Variants in RDH14 observed in about 807,000 individuals in gnomAD.
The protein encoded by RDH14 is alcohol dehydrogenase PAN2.
A neutral mutation model predicts 19.3 loss-of-function variants in RDH14; 17 were observed. The observed-to-expected ratio is 0.88, with a 90% confidence interval of 0.60 to 1.32. The LOEUF is 1.32. Among genes scored for constraint, RDH14 ranks in the 40% most tolerant of loss-of-function variants. The pLI, the probability that RDH14 is intolerant of heterozygous loss-of-function variation, is 0.00. For synonymous variants in RDH14, 215 were observed against 188.9 expected (o/e 1.14, Z -1.13); for missense variants, 534 against 449.2 (o/e 1.19, Z -1.71).
In RDH14 at chr2:18,555,821, A is replaced by AAAAG; in HGVS notation, c.394-17_394-14dup. On this transcript the variant is annotated splice_polypyrimidine_tract_variant and intron_variant, in intron 1 of 1. Coordinates refer to ENST00000381249, the MANE Select transcript of RDH14 (RefSeq NM_020905.4). ...GCCTAGGCTCTTCCTTTAAATGTCA[A>AAAAG]AAAGAGAATGGCAGAATTATTAAGA... The AAAAG allele has an allele frequency of 6.3e-7, 1 of 1,582,168 alleles. No individual in the cohort carries two copies. The highest frequency in any genetic ancestry group is 8.6e-7 in the Non-Finnish European group (1 of 1,161,896).
Position 18,560,367 on chromosome 2 carries a change from C to A in RDH14, c.206G>T (p.Arg69Leu). 2.1e-6 allele frequency: 3 copies of A among 1,459,824 alleles called. No homozygotes were observed. The highest frequency in any genetic ancestry group is 2.9e-5 in the East Asian group (1 of 33,910). 90.4% of individuals were successfully genotyped at this position (1,459,824 alleles called of 1,614,324 possible). The change falls in exon 1 of 2, where the codon CGG (arginine) becomes CTG (leucine). Residue 69 changes from arginine to leucine, a missense_variant. Arg to Leu is a moderately radical substitution (Grantham distance 102). Coordinates refer to ENST00000381249, the MANE Select transcript of RDH14 (RefSeq NM_020905.4). ...TAAELLRLGA[R>L]VIMGCRDRAR... ...GCGGTCCCGGCAGCCCATGATCACC[C>A]GCGCTCCCAGGCGCAGTAGCTCGGC...
At chr2:18,557,595 TAAATG>T (rs1432463723) in intron 1 of RDH14, among the ~76,000 whole-genome samples, 1 of 152,232 alleles carries the variant, frequency 6.6e-6, no homozygotes, top group Non-Finnish European at 1.5e-5. Flanking sequence ...TTCTACGAGA[TAAATG>T]AAATAAATAC....
In RDH14 at chr2:18,560,551, C is replaced by A. The variant is rs571090861; in HGVS notation, c.22G>T (p.Ala8Ser). 5 of 1,497,566 alleles carry A rather than the reference C, an allele frequency of 3.3e-6. No homozygotes were observed. The African/African-American group carries it at 4.4e-5, about 13-fold the overall frequency. 92.8% of individuals were successfully genotyped at this position (1,497,566 alleles called of 1,614,324 possible). The change falls in exon 1 of 2, where the codon GCA becomes TCA. Residue 8 changes from alanine (A) to serine (S), a missense_variant. Coordinates refer to ENST00000381249, the MANE Select transcript of RDH14 (RefSeq NM_020905.4). ...GCCCCGCCCAGAGCGGCCAGTACTG[C>A]CGCCGCAGTGGCCACTGCCATCGTC... MAVATAA[A>S]VLAALGGALW...
intron 1 of RDH14, among the ~76,000 whole-genome samples, chr2:18,557,185 T>C (rs1663945686): frequency 6.8e-6 from 1 of 146,540 alleles, no homozygotes; most frequent in Non-Finnish European, 1.5e-5. Context: ...TCTCTAGCCT[T>C]TTCTCGGTTG....
At position 18,560,469 on chromosome 2, in the gene RDH14, C is replaced by T. The variant is rs925395244; in HGVS notation, c.104G>A (p.Gly35Asp). The change falls in exon 1 of 2, where the codon GGC (glycine) becomes GAC (aspartate). Residue 35 changes from glycine (G) to aspartate (D), a missense_variant. Physicochemically the swap from Gly to Asp is moderately conservative, Grantham distance 94. Coordinates refer to ENST00000381249, the MANE Select transcript of RDH14 (RefSeq NM_020905.4). ...VGPRVQRLRR[G>D]GDPGLMHGKT... ...CCCGTGCATGAGGCCGGGGTCCCCG[C>T]CTCTGCGCAGCCGCTGGACCCTGGG... 7 of 1,514,260 alleles carry T rather than the reference C, an allele frequency of 4.6e-6. No individual in the cohort carries two copies. The highest frequency in any genetic ancestry group is 2.0e-5 in the Admixed American group (1 of 48,894). The allele number at this position is 1,514,260 out of a possible 1,614,324, so 93.8% of individuals were successfully genotyped here. A position where few individuals can be genotyped will look rare whatever the true frequency, so the allele number is the denominator to read the frequency against.
At chr2:18,556,540 T>C (rs1663926585) in intron 1 of RDH14, among the ~76,000 whole-genome samples, 1 of 152,228 alleles carries the variant, frequency 6.6e-6, no homozygotes, top group South Asian at 2.1e-4. Flanking sequence ...TTTTCGCATG[T>C]CACCACATCT....
intron 1 of RDH14, among the ~76,000 whole-genome samples, chr2:18,559,202 T>C (rs1203186600): frequency 6.6e-6 from 1 of 152,314 alleles, no homozygotes; most frequent in East Asian, 1.9e-4. Context: ...TCTGAACAAA[T>C]GCCCTCTGAA....
chr2:18,557,126 T>G (rs1253642338), intron 1 of RDH14, among the ~76,000 whole-genome samples: 1 of 152,362 alleles, frequency 6.6e-6, no homozygotes, highest in Middle Eastern at 3.4e-3. Context: ...AAATTTAGAC[T>G]GTTCTCATAG....
chr2:18,555,717 C>G lies in RDH14; in HGVS notation c.485G>C (p.Gly162Ala). The change falls in exon 2 of 2, where the codon GGA (glycine) becomes GCA (alanine). Residue 162 changes from glycine to alanine, a missense_variant. Physicochemically the swap from Gly to Ala is moderately conservative, Grantham distance 60. Transcript: ENST00000381249. ...TAGAAAGTGCCCCAGATGGTTCACT[C>G]CGAACTGCATCTCAAACCCATCTTC... ...KTEDGFEMQF[G>A]VNHLGHFLLT... 6.2e-7 allele frequency: 1 copy of G among 1,614,066 alleles called. No individual in the cohort carries two copies. The highest frequency in any genetic ancestry group is 1.1e-5 in the South Asian group (1 of 91,082).
rs183426822 is a variant in RDH14, at chr2:18,560,273, C to T, written c.300G>A (p.Glu100=). 3.1e-4 allele frequency: 465 copies of T among 1,507,828 alleles called. 5 individuals are homozygous for T. The South Asian group carries it at 5.4e-3, about 17-fold the overall frequency. 93.4% of individuals were successfully genotyped at this position (1,507,828 alleles called of 1,614,324 possible). A position where few individuals can be genotyped will look rare whatever the true frequency, so the allele number is the denominator to read the frequency against. Residue 100 remains glutamate, a synonymous_variant, in exon 1 of 2, where the codon GAG becomes GAA. Transcript: ENST00000381249. Reference sequence around the variant, plus strand: ...GCTCGCCCACCCCGCTGACGCCAGGCTCTGGGCCGCACTCCGCGGCCTGGC... The same window carrying T: ...GCTCGCCCACCCCGCTGACGCCAGGTTCTGGGCCGCACTCCGCGGCCTGGC... The part of the protein sequence containing the change: ...ELRQAAECGP[E]PGVSGVGELI...
chr2:18,555,431 G>T lies in RDH14; in HGVS notation c.771C>A (p.His257Gln). Residue 257 changes from histidine (H) to glutamine (Q), a missense_variant, in exon 2 of 2, where the codon CAC becomes CAA. By Grantham distance (24) the His-to-Gln change is conservative. Transcript: ENST00000381249. ...GTTTGACCAACAGTGGAATGTGTAT[G>T]TGCCTCCCCAGATTTGTCCGTACAA... is the stretch of plus-strand genomic sequence containing the variant. Reference protein sequence around the residue: ...PGIVRTNLGRHIHIPLLVKPL... With the variant: ...PGIVRTNLGRQIHIPLLVKPL... 1 of 1,614,122 alleles carries T rather than the reference G, an allele frequency of 6.2e-7. No individual in the cohort carries two copies. Among genetic ancestry groups the T allele is most frequent in the Non-Finnish European group, 8.5e-7 (1 of 1,180,000 alleles).
In RDH14 at chr2:18,560,558, A is replaced by C. The variant is rs1277467615; in HGVS notation, c.15T>G (p.Thr5=). The part of the protein sequence containing the change: MAVA[T]AAAVLAALGG... ...CCAGAGCGGCCAGTACTGCCGCCGC[A>C]GTGGCCACTGCCATCGTCAGGCCCG... is the stretch of plus-strand genomic sequence containing the variant. Residue 5 remains threonine, a synonymous_variant, in exon 1 of 2, where the codon ACT becomes ACG. Transcript: ENST00000381249. 6.7e-7 allele frequency: 1 copy of C among 1,491,470 alleles called. No homozygotes were observed. The highest frequency in any genetic ancestry group is 8.9e-7 in the Non-Finnish European group (1 of 1,129,648). 92.4% of individuals were successfully genotyped at this position (1,491,470 alleles called of 1,614,324 possible).
In RDH14 at chr2:18,560,501, G is replaced by GAA; in HGVS notation, c.70_71dup (p.Val25SerfsTer24). On this transcript the variant is annotated frameshift_variant, in exon 1 of 2. Coordinates refer to ENST00000381249, the MANE Select transcript of RDH14 (RefSeq NM_020905.4). LOFTEE classifies it high-confidence loss of function. ...GCAGCCGCTGGACCCTGGGCCCCAC[G>GAA]AACCGGCGGGCCGCCAGCCACAGCG... 6.6e-7 allele frequency: 1 copy of GAA among 1,512,546 alleles called. No homozygotes were observed. The highest frequency in any genetic ancestry group is 1.2e-5 in the South Asian group (1 of 82,030). 93.7% of individuals were successfully genotyped at this position (1,512,546 alleles called of 1,614,324 possible).
At position 18,560,228 on chromosome 2, in the gene RDH14, G is replaced by A. The variant is rs1256504421; in HGVS notation, c.345C>T (p.Asp115=). ...CGCGCACCGAGCGCAGCGAGGCGAG[G>A]TCCAGCTCCCGGACTATGAGCTCGC... is the stretch of plus-strand genomic sequence containing the variant. ...GVGELIVREL[D]LASLRSVRAF... The change falls in exon 1 of 2, where the codon GAC becomes GAT. Residue 115 remains aspartate, a synonymous_variant. Transcript: ENST00000381249. 2.6e-6 allele frequency: 4 copies of A among 1,527,286 alleles called. No homozygotes were observed. The highest frequency in any genetic ancestry group is 3.5e-6 in the Non-Finnish European group (4 of 1,143,732). 94.6% of individuals were successfully genotyped at this position (1,527,286 alleles called of 1,614,324 possible). A position where few individuals can be genotyped will look rare whatever the true frequency, so the allele number is the denominator to read the frequency against.
In RDH14 at chr2:18,560,278, G is replaced by A; in HGVS notation, c.295C>T (p.Pro99Ser). ...CCCACCCCGCTGACGCCAGGCTCTG[G>A]GCCGCACTCCGCGGCCTGGCGGAGC... ...RELRQAAECG[P>S]EPGVSGVGEL... The change falls in exon 1 of 2, where the codon CCA becomes TCA. Residue 99 changes from proline to serine, a missense_variant. Physicochemically the swap from Pro to Ser is moderately conservative, Grantham distance 74. Coordinates refer to ENST00000381249, the MANE Select transcript of RDH14 (RefSeq NM_020905.4). 3 of 1,499,168 alleles carry A rather than the reference G, an allele frequency of 2.0e-6. No individual in the cohort carries two copies. The highest frequency in any genetic ancestry group is 2.7e-6 in the Non-Finnish European group (3 of 1,132,000). The allele number at this position is 1,499,168 out of a possible 1,614,324, so 92.9% of individuals were successfully genotyped here. A position where few individuals can be genotyped will look rare whatever the true frequency, so the allele number is the denominator to read the frequency against.
chr2:18,555,088 C>A lies in RDH14; in HGVS notation c.*103G>T. The A allele has an allele frequency of 6.6e-7, 1 of 1,506,082 alleles. No individual in the cohort carries two copies. The allele number at this position is 1,506,082 out of a possible 1,614,324, so 93.3% of individuals were successfully genotyped here. On this transcript the variant is annotated 3_prime_UTR_variant, in exon 2 of 2. Coordinates refer to ENST00000381249, the MANE Select transcript of RDH14 (RefSeq NM_020905.4). ...ACCTCTTAGCAGGCTATTCCAATAT[C>A]AAAATTCTTTTTCTTCAAGTAACAA...
In RDH14 at chr2:18,555,108, T is replaced by A; in HGVS notation, c.*83A>T. ...AATATCAAAATTCTTTTTCTTCAAG[T>A]AACAAGTTCTCAATCCACACCATTC... On this transcript the variant is annotated 3_prime_UTR_variant, in exon 2 of 2. Coordinates refer to ENST00000381249, the MANE Select transcript of RDH14 (RefSeq NM_020905.4). The A allele has an allele frequency of 6.6e-7, 1 of 1,523,926 alleles. No homozygotes were observed. The highest frequency in any genetic ancestry group is 8.8e-7 in the Non-Finnish European group (1 of 1,139,292). 94.4% of individuals were successfully genotyped at this position (1,523,926 alleles called of 1,614,324 possible).
chr2:18,559,788 T>C (rs545500088), intron 1 of RDH14, among the ~76,000 whole-genome samples: 90 of 152,256 alleles, frequency 5.9e-4, no homozygotes, highest in African/African-American at 2.1e-3. Context: ...CTTCCCCCAG[T>C]GCTCAGGGGT....
chr2:18,555,147 T>TAAACTGTGATATAA lies in RDH14; in HGVS notation c.*43_*44insTTATATCACAGTTT. Reference sequence around the variant, plus strand: ...TCCACACCATTCCTGATCACAGATATAACTGATATGCAGTTTTATAAACAG... The same window carrying TAAACTGTGATATAA: ...TCCACACCATTCCTGATCACAGATATAAACTGTGATATAAAACTGATATGCAGTTTTATAAACAG... On this transcript the variant is annotated 3_prime_UTR_variant, in exon 2 of 2. Coordinates refer to ENST00000381249, the MANE Select transcript of RDH14 (RefSeq NM_020905.4). 1 of 1,587,798 alleles carries TAAACTGTGATATAA rather than the reference T, an allele frequency of 6.3e-7. No homozygotes were observed. The highest frequency in any genetic ancestry group is 8.6e-7 in the Non-Finnish European group (1 of 1,166,812).
Sources: gnomAD v4.1 joint callset for allele counts (sites outside exome capture counted in the v4.1 genomes callset) on GRCh38, gnomAD v4.1.1 for gene constraint, MANE v1.5 for transcripts, NCBI Gene and HGNC (gene_info 2026-07-23, HGNC 2026-07-21) for gene names.